Variants in HEATR5B observed in about 807,000 individuals in gnomAD.
HEATR5B encodes HEAT repeat-containing protein 5B.
Under a neutral mutation model 224.1 loss-of-function variants are expected in HEATR5B, and 156 were observed. The observed-to-expected ratio is 0.70, with a 90% CI of 0.61 to 0.80. The LOEUF (loss-of-function observed/expected upper bound fraction) is 0.80. Ranked by LOEUF, HEATR5B falls within the 30% of genes least tolerant of loss-of-function variation. The pLI is 0.00. For missense variants in HEATR5B, 2,323 were observed against 2,535.5 expected, an observed-to-expected ratio of 0.92 and a Z score of 1.80; for synonymous variants, 1,027 against 893.0, an observed-to-expected ratio of 1.15 and a Z score of -2.68.
chr2:36,997,670 C>T (rs1011472120), intron 33 of HEATR5B, among the ~76,000 whole-genome samples: 3 of 148,528 alleles, frequency 2.0e-5, no homozygotes, highest in Non-Finnish European at 3.0e-5. Context: ...AGGTTCATGC[C>T]GTTCTCCTGC....
Position 37,068,905 on chromosome 2 carries a change from A to G in HEATR5B, c.953T>C (p.Leu318Ser), listed in dbSNP as rs757991757. ...TQAYVVFVTT[L>S]GGQWLERSFA... Reference sequence around the variant, plus strand: ...GCTGCGCTCCAACCACTGACCACCCAATGTTGTCACAAAAACAACATACGC... The same window carrying G: ...GCTGCGCTCCAACCACTGACCACCCGATGTTGTCACAAAAACAACATACGC... The change falls in exon 8 of 36, where the codon TTG (leucine) becomes TCG (serine). Residue 318 changes from leucine (L) to serine (S), a missense_variant. Physicochemically the swap from Leu to Ser is moderately radical, Grantham distance 145 (BLOSUM62 -2). Coordinates refer to ENST00000233099, the MANE Select transcript of HEATR5B (RefSeq NM_019024.3). 21 of 1,613,682 alleles carry G rather than the reference A, an allele frequency of 1.3e-5. No homozygotes were observed. The highest frequency in any genetic ancestry group is 1.7e-5 in the Non-Finnish European group (20 of 1,179,704).
At chr2:37,019,039 T>G (rs913191534) in intron 26 of HEATR5B, among the ~76,000 whole-genome samples, 1 of 151,678 alleles carries the variant, frequency 6.6e-6, no homozygotes, top group African/African-American at 2.4e-5. Flanking sequence ...GGGCACCTAA[T>G]CCCAGCTACT....
rs376871419 is a variant in HEATR5B at position 36,985,458 on chromosome 2, GT to G, written c.5911+3187del. ...GAAATCACGATGGTGCTTTTTTTTG[GT>G]TTTTTTTTTTTTTTTTGAGACAGAG... On this transcript the variant is annotated intron_variant, in intron 35 of 35. Transcript: ENST00000233099. 2.8e-3 allele frequency among the ~76,000 whole-genome samples: 356 copies of G among 126,692 alleles called. 2 individuals are homozygous for G. The highest frequency in any genetic ancestry group is 6.8e-3 in the African/African-American group (231 of 33,916). 83.1% of individuals were successfully genotyped at this position (126,692 alleles called of 152,430 possible).
chr2:37,014,822 C>A lies in HEATR5B; in HGVS notation c.4105-802G>T, dbSNP rs566839110. 1.3e-4 allele frequency among the ~76,000 whole-genome samples: 19 copies of A among 151,726 alleles called. No individual in the cohort carries two copies. The South Asian group carries it at 3.1e-3, about 25-fold the overall frequency. ...TGAAACCCCATCTCTACTAAAAATACAAAAATTAGCTGGGCGTGGGCATGG... is the reference window on the plus strand; with the variant it reads ...TGAAACCCCATCTCTACTAAAAATAAAAAAATTAGCTGGGCGTGGGCATGG... On this transcript the variant is annotated intron_variant, in intron 26 of 35. Transcript: ENST00000233099.
At chr2:37,016,909 C>G (rs534003037) in intron 26 of HEATR5B, among the ~76,000 whole-genome samples, 6 of 151,978 alleles carry the variant, frequency 3.9e-5, no homozygotes, top group African/African-American at 1.4e-4. Flanking sequence ...CCAGTCAAAA[C>G]TGCTGAAAAA....
In HEATR5B at chr2:37,040,463, C is replaced by T; in HGVS notation, c.2912G>A (p.Arg971His). 1.2e-6 allele frequency: 2 copies of T among 1,613,786 alleles called. No individual in the cohort carries two copies. Among genetic ancestry groups the T allele is most frequent in the Non-Finnish European group, 1.7e-6 (2 of 1,179,840 alleles). The change falls in exon 20 of 36, where the codon CGT (arginine) becomes CAT (histidine). Residue 971 changes from arginine (R) to histidine (H), a missense_variant. By Grantham distance (29) the Arg-to-His change is conservative (BLOSUM62 0). This residue lies in a region of HEATR5B where 44 missense variants were observed against 39.0 expected (regional missense o/e 1.13). Transcript: ENST00000233099. ...AGATAATGTTGGTTCCACATAGCCA[C>T]GATACATCGGACCACTAGAATCCAC... ...LIVDSSGPMY[R>H]GYVEPTLSLV...
At chr2:36,987,153 G>A in intron 35 of HEATR5B, among the ~76,000 whole-genome samples, 1 of 152,188 alleles carries the variant, frequency 6.6e-6, no homozygotes, top group East Asian at 1.9e-4. Flanking sequence ...TCTCGGCCAG[G>A]TGCAGCGGCT....
intron 35 of HEATR5B, among the ~76,000 whole-genome samples, chr2:36,985,653 G>C: frequency 7.4e-6 from 1 of 135,056 alleles, no homozygotes. Context: ...TTTCAGTAGA[G>C]ACGGGGTTTC....
Position 36,981,155 on chromosome 2 carries a change from T to C in HEATR5B, c.*335A>G, listed in dbSNP as rs1412352253. 1.6e-5 allele frequency: 3 copies of C among 185,396 alleles called. No homozygotes were observed. Among genetic ancestry groups the C allele is most frequent in the African/African-American group, 4.7e-5 (2 of 42,700 alleles). The allele number at this position is 185,396 out of a possible 1,614,324, so 11.5% of individuals were successfully genotyped here. A position where few individuals can be genotyped will look rare whatever the true frequency, so the allele number is the denominator to read the frequency against. ...GATGCTGAGTTCTGACCCATTTTTT[T>C]CCCCTGACAGTATCAATAGGCTGCC... On this transcript the variant is annotated 3_prime_UTR_variant, in exon 36 of 36. Coordinates refer to ENST00000233099, the MANE Select transcript of HEATR5B (RefSeq NM_019024.3).
intron 1 of HEATR5B, 149 bp from the exon 2 acceptor site, chr2:37,083,585 T>G (rs1458029027): frequency 1.6e-6 from 1 of 606,376 alleles, no homozygotes; most frequent in Admixed American, 3.2e-5. Flanking sequence ...GAGAACATAC[T>G]TTTAAATGAC....
intron 12 of HEATR5B, among the ~76,000 whole-genome samples, chr2:37,059,258 T>C (rs1479161887): frequency 2.0e-5 from 3 of 150,756 alleles, no homozygotes; most frequent in South Asian, 2.1e-4. Context: ...TATGATCCCA[T>C]AGGAATTCAG....
In HEATR5B at chr2:37,072,155, A is replaced by C. The variant is rs1335646351; in HGVS notation, c.724T>G (p.Leu242Val). 6 of 1,613,970 alleles carry C rather than the reference A, an allele frequency of 3.7e-6. No individual in the cohort carries two copies. The highest frequency in any genetic ancestry group is 5.1e-6 in the Non-Finnish European group (6 of 1,179,966). The change falls in exon 6 of 36, where the codon TTA becomes GTA. Residue 242 changes from leucine (L) to valine (V), a missense_variant. Leu to Val is a conservative substitution (Grantham distance 32). This residue lies in a region of HEATR5B where 292 missense variants were observed against 332.6 expected (regional missense o/e 0.88). Transcript: ENST00000233099. ...AATGCTGTGGCCATGACTGTTCCTA[A>C]AAGTTTAGACACTGCCACTCGTACC... The part of the protein sequence containing the change: ...YGVRVAVSKL[L>V]GTVMATALMP...
chr2:37,041,656 G>C (rs1301338396), intron 18 of HEATR5B, among the ~76,000 whole-genome samples: 1 of 152,094 alleles, frequency 6.6e-6, no homozygotes, highest in Admixed American at 6.5e-5. Flanking sequence ...TGAAGTGAGA[G>C]GACTGCTTGA....
intron 30 of HEATR5B, 29 bp from the exon 31 acceptor site, chr2:37,003,715 A>G: frequency 6.7e-7 from 1 of 1,484,512 alleles, no homozygotes; most frequent in Non-Finnish European, 9.1e-7. Flanking sequence ...AATACAGTTA[A>G]GTAATTTCAA....
rs777117099 is a variant in HEATR5B at position 37,049,781 on chromosome 2, C to G, written c.2568G>C (p.Leu856=). ...PEEVRKSALT[L]VMGPLDNPNP... is the part of the protein sequence containing the mutation. ...TTGGGTTGTCCAGAGGACCCATAAC[C>G]AGTGTCAGGGCAGATTTACGAACTT... Residue 856 remains leucine, a synonymous_variant, in exon 18 of 36, where the codon CTG becomes CTC. Coordinates refer to ENST00000233099, the MANE Select transcript of HEATR5B (RefSeq NM_019024.3). The G allele has an allele frequency of 8.7e-6, 14 of 1,606,670 alleles. 1 individual carries two copies. The South Asian group carries it at 1.3e-4, about 15-fold the overall frequency.
chr2:36,996,135 A>T (rs1459166700), intron 33 of HEATR5B, among the ~76,000 whole-genome samples: 2 of 150,034 alleles, frequency 1.3e-5, no homozygotes, highest in East Asian at 3.9e-4. Flanking sequence ...ATCTCAGCTC[A>T]TTACAACCTC....
intron 5 of HEATR5B, among the ~76,000 whole-genome samples, chr2:37,072,935 G>GT (rs1671994280): frequency 6.6e-6 from 1 of 152,136 alleles, no homozygotes; most frequent in Non-Finnish European, 1.5e-5. Context: ...GAATAGCCCA[G>GT]TATCTATGTT....
At chr2:37,002,210 G>C (rs756085278) in intron 32 of HEATR5B, 96 bp downstream of exon 32, 32 of 1,320,976 alleles carry the variant, frequency 2.4e-5, no homozygotes, top group Non-Finnish European at 3.4e-5. Context: ...TGAGATTTAA[G>C]AGGAAACTGG....
At chr2:37,001,813 C>T (rs1018328159) in intron 32 of HEATR5B, among the ~76,000 whole-genome samples, 21 of 151,786 alleles carry the variant, frequency 1.4e-4, no homozygotes, top group East Asian at 5.8e-4. Flanking sequence ...ACAGGGCATA[C>T]GCCACCAGGC....
Sources: gnomAD v4.1 joint callset for allele counts (sites outside exome capture counted in the v4.1 genomes callset) on GRCh38, gnomAD v4.1.1 for gene constraint, gnomAD v4.1.1 regional missense constraint, MANE v1.5 for transcripts, NCBI Gene and HGNC (gene_info 2026-07-23, HGNC 2026-07-21) for gene names.